CELF2: variants seen among roughly 807,000 people sequenced by gnomAD.
The protein encoded by CELF2 is CUG triplet repeat RNA-binding protein 2.
In CELF2, 8 loss-of-function variants were observed where a neutral mutation model predicts 62.6. That is an observed-to-expected ratio of 0.13 (90% CI 0.07 to 0.23). CELF2 has a LOEUF of 0.23. Among genes scored for constraint, CELF2 ranks in the 10% least tolerant of loss-of-function variants. The pLI is 1.00. For synonymous variants in CELF2, 258 were observed against 250.0 expected, an observed-to-expected ratio of 1.03 and a Z score of -0.30; for missense variants, 333 against 671.0, an observed-to-expected ratio of 0.50 and a Z score of 5.56.
At chr10:10,780,320 G>A in the CELF2 span, among the ~76,000 whole-genome samples, 1 of 152,116 alleles carries the variant, frequency 6.6e-6, no homozygotes. Context: ...ATGATTCCTG[G>A]AGGCACTTAC....
At chr10:11,015,378 A>C (rs1367420821), upstream of CELF2, among the ~76,000 whole-genome samples, 1 of 152,174 alleles carries the variant, frequency 6.6e-6, no homozygotes, top group Non-Finnish European at 1.5e-5. The surrounding 1 kb of genome is among the most constrained non-coding windows in gnomAD (Gnocchi z 4.8). Flanking sequence ...TTAGAAATGA[A>C]AGCTACAAAT....
At chr10:11,118,378 G>C (rs891912304) in intron 1 of CELF2, among the ~76,000 whole-genome samples, 4 of 152,008 alleles carry the variant, frequency 2.6e-5, no homozygotes, top group African/African-American at 9.7e-5. Flanking sequence ...TGTTGCCCAG[G>C]CTGGTCTTGA....
At chr10:10,802,286 A>G (rs940454830) in intron 1 of CELF2, among the ~76,000 whole-genome samples, 1 of 152,146 alleles carries the variant, frequency 6.6e-6, no homozygotes. Flanking sequence ...CCGGGCCGAC[A>G]TGGTGAAACC....
chr10:10,763,603 G>A, the CELF2 span, among the ~76,000 whole-genome samples: 2 of 152,176 alleles, frequency 1.3e-5, no homozygotes, highest in Non-Finnish European at 2.9e-5. Context: ...TATAAACCAT[G>A]TCTCTTTTGT....
the CELF2 span, among the ~76,000 whole-genome samples, chr10:10,486,192 TCTAGA>T: frequency 6.6e-6 from 1 of 152,132 alleles, no homozygotes; most frequent in Non-Finnish European, 1.5e-5. Flanking sequence ...AGCTTCTAAA[TCTAGA>T]CTGGAAAAAG....
Position 10,993,635 on chromosome 10 carries a change from AG to A in CELF2, c.89+73638del, listed in dbSNP as rs2053654039. ...GACAACTTGGAAAAAGAGAGTTGGA[AG>A]GAGCTTATTGTAGAAATAGGGCTTG... On this transcript the variant is annotated intron_variant, in intron 2 of 13. Coordinates refer to the CELF2 transcript ENST00000636488. The surrounding 1 kb of genome is among the most constrained non-coding windows in gnomAD (Gnocchi z 5.3). Among the ~76,000 whole-genome samples the A allele has an allele frequency of 6.6e-6, 1 of 152,202 alleles. No individual in the cohort carries two copies. Among genetic ancestry groups the A allele is most frequent in the African/African-American group, 2.4e-5 (1 of 41,450 alleles).
chr10:11,256,138 T>C (rs1230392586), intron 4 of CELF2, among the ~76,000 whole-genome samples: 2 of 152,270 alleles, frequency 1.3e-5, no homozygotes, highest in African/African-American at 4.8e-5. Flanking sequence ...TTCAGGGCCG[T>C]GCTGGCTCAT....
intron 1 of CELF2, among the ~76,000 whole-genome samples, chr10:11,060,741 G>A (rs559200328): frequency 6.6e-6 from 1 of 152,220 alleles, no homozygotes; most frequent in Non-Finnish European, 1.5e-5. Context: ...TGCTCAGTTT[G>A]CATCTCTGTT....
At chr10:10,827,107 T>C (rs1007582821) in intron 1 of CELF2, among the ~76,000 whole-genome samples, 3 of 152,056 alleles carry the variant, frequency 2.0e-5, no homozygotes, top group African/African-American at 7.2e-5. Flanking sequence ...GGTTGTTTGT[T>C]TGTTTGTTTG....
chr10:10,930,100 G>A (rs2135107272), intron 2 of CELF2, among the ~76,000 whole-genome samples: 2 of 152,294 alleles, frequency 1.3e-5, no homozygotes, highest in South Asian at 4.1e-4. Flanking sequence ...AATTACACTT[G>A]TTTTATAATA....
At chr10:10,606,198 C>G in the CELF2 span, among the ~76,000 whole-genome samples, 2 of 152,124 alleles carry the variant, frequency 1.3e-5, no homozygotes, top group Non-Finnish European at 2.9e-5. Context: ...GTTAGAAACA[C>G]ATTTAATGGA....
intron 1 of CELF2, among the ~76,000 whole-genome samples, chr10:10,820,911 C>G (rs1338773991): frequency 6.6e-6 from 1 of 152,170 alleles, no homozygotes; most frequent in African/African-American, 2.4e-5. Flanking sequence ...TGAAGGGAAC[C>G]AGAGTGAATC....
intron 2 of CELF2, among the ~76,000 whole-genome samples, chr10:10,949,516 G>C (rs895797614): frequency 6.6e-6 from 1 of 152,086 alleles, no homozygotes; most frequent in African/African-American, 2.4e-5. Flanking sequence ...CAGAGGCCAG[G>C]CATGGTGGCT....
At chr10:10,665,377 ATG>A in the CELF2 span, among the ~76,000 whole-genome samples, 4 of 152,234 alleles carry the variant, frequency 2.6e-5, no homozygotes, top group Non-Finnish European at 4.4e-5. Context: ...ATATATGTAA[ATG>A]TATCCATAAG....
chr10:11,272,866 G>A (rs1255926187), intron 7 of CELF2, among the ~76,000 whole-genome samples: 1 of 152,130 alleles, frequency 6.6e-6, no homozygotes, highest in African/African-American at 2.4e-5. Flanking sequence ...TACCTCAGTA[G>A]GTGCTATTAA....
At chr10:10,794,578 A>C (rs1418414254), upstream of CELF2, 1 of 144,262 alleles carries the variant, frequency 6.9e-6, no homozygotes, top group African/African-American at 2.5e-5. Context: ...TTTCTTTCGT[A>C]ACAAACCAGT....
intron 1 of CELF2, among the ~76,000 whole-genome samples, chr10:11,065,039 G>C (rs940475523): frequency 1.3e-5 from 2 of 152,158 alleles, no homozygotes; most frequent in Non-Finnish European, 2.9e-5. Flanking sequence ...GCTTGCTATC[G>C]AAGTGAAGTT....
intron 2 of CELF2, among the ~76,000 whole-genome samples, chr10:10,966,987 T>A (rs963945858): frequency 3.3e-5 from 5 of 152,244 alleles, no homozygotes; most frequent in African/African-American, 1.2e-4. Flanking sequence ...TTCATACCCT[T>A]GTTAAAAGAA....
At chr10:11,079,724 G>T (rs1301132636) in intron 1 of CELF2, among the ~76,000 whole-genome samples, 1 of 144,606 alleles carries the variant, frequency 6.9e-6, no homozygotes, top group Non-Finnish European at 1.5e-5. Flanking sequence ...ATAGCAGTGT[G>T]AGAATGGACT....
Sources: gnomAD v4.1 joint callset for allele counts (sites outside exome capture counted in the v4.1 genomes callset) on GRCh38, gnomAD v4.1.1 for gene constraint, Gnocchi (gnomAD v3.1) non-coding constraint, MANE v1.5 for transcripts, NCBI Gene and HGNC (gene_info 2026-07-23, HGNC 2026-07-21) for gene names.